The following CEP126 variants were observed in gnomAD, a reference collection of about 807,000 sequenced individuals.
The protein encoded by CEP126 is centrosomal protein 126, also known as centrosomal protein of 126 kDa.
Under a neutral mutation model 107.8 loss-of-function variants are expected in CEP126, and 74 were observed. That is an observed-to-expected ratio of 0.69 (90% CI 0.57 to 0.83). The LOEUF is 0.83. Among genes scored for constraint, CEP126 ranks in the 40% least tolerant of loss-of-function variants. The probability of loss-of-function intolerance (pLI) is 0.00; values close to 1 mark genes in which losing one functional copy is unlikely to be tolerated. For missense variants in CEP126, 1,237 were observed against 1,281.9 expected (o/e 0.96, Z 0.53); for synonymous variants, 449 against 446.0 (o/e 1.01, Z -0.08).
chr11:101,968,509 C>A (rs1296276821), intron 6 of CEP126, among the ~76,000 whole-genome samples: 1 of 152,018 alleles, frequency 6.6e-6, no homozygotes, highest in East Asian at 1.9e-4. Context: ...GAAGAGTGAG[C>A]TTTGTGAAGA....
Position 101,963,618 on chromosome 11 carries a change from C to T in CEP126, c.2583C>T (p.Leu861=), listed in dbSNP as rs763749705. ...NQWNQESSSP[L]SNACSDLVTV... is the part of the protein sequence containing the mutation. ...GGAATCAGGAAAGTAGTTCTCCACT[C>T]TCAAATGCTTGTTCTGACCTAGTCA... is the stretch of plus-strand genomic sequence containing the variant. Residue 861 remains leucine, a synonymous_variant, in exon 6 of 11, where the codon CTC becomes CTT. Coordinates refer to ENST00000263468, the MANE Select transcript of CEP126 (RefSeq NM_020802.4). The T allele has an allele frequency of 6.2e-7, 1 of 1,614,100 alleles. No individual in the cohort carries two copies. The highest frequency in any genetic ancestry group is 1.1e-5 in the South Asian group (1 of 91,062).
At chr11:101,992,716 T>A (rs971837506) in intron 9 of CEP126, 62 bp from the exon 10 acceptor site, 20 of 914,058 alleles carry the variant, frequency 2.2e-5, no homozygotes, top group Non-Finnish European at 3.1e-5. Flanking sequence ...GATTCTTTAG[T>A]CATTCTTCTA....
Position 101,962,861 on chromosome 11 carries a change from T to C in CEP126, c.1826T>C (p.Ile609Thr). 1 of 1,607,890 alleles carries C rather than the reference T, an allele frequency of 6.2e-7. No individual in the cohort carries two copies. The highest frequency in any genetic ancestry group is 8.5e-7 in the Non-Finnish European group (1 of 1,178,616). ...TTTGGAAATCAAAAAGCAGCAGCTA[T>C]CAGAGATAGTATTGAATTAACAAAG... is the stretch of plus-strand genomic sequence containing the variant. ...FKFGNQKAAA[I>T]RDSIELTKEK... The change falls in exon 6 of 11, where the codon ATC becomes ACC. Residue 609 changes from isoleucine (I) to threonine (T), a missense_variant. Physicochemically the swap from Ile to Thr is moderately conservative, Grantham distance 89. This residue lies in a region of CEP126 where 1,134 missense variants were observed against 1,150.5 expected (regional missense o/e 0.99). Coordinates refer to ENST00000263468, the MANE Select transcript of CEP126 (RefSeq NM_020802.4).
intron 6 of CEP126, among the ~76,000 whole-genome samples, chr11:101,964,340 T>C (rs557288565): frequency 1.4e-5 from 2 of 142,916 alleles, no homozygotes; most frequent in African/African-American, 2.6e-5. Context: ...TCCTGTAATA[T>C]TGTGATTTTT....
At chr11:101,981,582 C>T (rs1356982818) in intron 7 of CEP126, among the ~76,000 whole-genome samples, 2 of 152,128 alleles carry the variant, frequency 1.3e-5, no homozygotes, top group African/African-American at 2.4e-5. Context: ...CATGAGCCAC[C>T]GTGTCAGCCT....
At chr11:101,922,164 ATT>A (rs5794147) in intron 1 of CEP126, among the ~76,000 whole-genome samples, 9 of 132,028 alleles carry the variant, frequency 6.8e-5, no homozygotes, top group Middle Eastern at 4.1e-3. Context: ...CCAAGTCAGA[ATT>A]TTTTTTTTTT....
chr11:101,959,400 G>A (rs567203694), intron 5 of CEP126, among the ~76,000 whole-genome samples: 13 of 152,114 alleles, frequency 8.5e-5, no homozygotes, highest in South Asian at 4.2e-4. Flanking sequence ...TGATCCGCCC[G>A]CCTCAGCCTC....
At chr11:101,917,027 AATGTGTGT>A (rs1174613439) in intron 1 of CEP126, among the ~76,000 whole-genome samples, 34 of 90,230 alleles carry the variant, frequency 3.8e-4, no homozygotes, top group African/African-American at 1.3e-3. Context: ...AAAATCCAAC[AATGTGTGT>A]GTGTGTGTGT....
In CEP126 at chr11:101,963,171, C is replaced by G; in HGVS notation, c.2136C>G (p.Asn712Lys). Residue 712 changes from asparagine (N) to lysine (K), a missense_variant, in exon 6 of 11, where the codon AAC becomes AAG. Transcript: ENST00000263468. The stretch of plus-strand genomic sequence containing the variant: ...CTGGAGCAGACCATATGCCTTTGAA[C>G]TGTTTTATACCTTCAGGTTATAACT... The part of the protein sequence containing the change: ...GGSGADHMPL[N>K]CFIPSGYNFA... 6.2e-7 allele frequency: 1 copy of G among 1,613,938 alleles called. No homozygotes were observed. The highest frequency in any genetic ancestry group is 8.5e-7 in the Non-Finnish European group (1 of 1,179,940).
In CEP126 at chr11:101,968,838, T is replaced by C. The variant is rs546159491; in HGVS notation, c.2845+4958T>C. The stretch of plus-strand genomic sequence containing the variant: ...CTTAGTGTTGTCTGTTACTAATGAA[T>C]ATCAATATATTTTACCCTAGAAATA... On this transcript the variant is annotated intron_variant, in intron 6 of 10. Transcript: ENST00000263468. Among the ~76,000 whole-genome samples, 15 of 152,272 alleles carry C rather than the reference T, an allele frequency of 9.9e-5. No homozygotes were observed. In the South Asian group the frequency reaches 3.1e-3, roughly 32 times the overall value.
chr11:101,986,924 C>T lies in CEP126; in HGVS notation c.3127C>T (p.Gln1043Ter). 2 of 1,613,710 alleles carry T rather than the reference C, an allele frequency of 1.2e-6. No homozygotes were observed. Among genetic ancestry groups the T allele is most frequent in the Non-Finnish European group, 8.5e-7 (1 of 1,179,772 alleles). The part of the protein sequence containing the change: ...DEILTVLNSK[Q>*]IQKSNLPLNK... ...GATTCTGACTGTCTTGAATAGCAAA[C>T]AGATACAGAAATCAAATCTACCTTT... The change falls in exon 9 of 11, where the codon CAG becomes TAG. Residue 1043 changes from glutamine to a stop codon, truncating the protein, a stop_gained. Transcript: ENST00000263468. LOFTEE classifies it high-confidence loss of function.
At chr11:101,994,412 C>G (rs949577441) in intron 10 of CEP126, among the ~76,000 whole-genome samples, 1 of 152,122 alleles carries the variant, frequency 6.6e-6, no homozygotes, top group African/African-American at 2.4e-5. Flanking sequence ...GTTGCAATTG[C>G]TTTTGATGTC....
chr11:101,959,808 T>C (rs768529200), intron 5 of CEP126, among the ~76,000 whole-genome samples: 5 of 152,124 alleles, frequency 3.3e-5, no homozygotes, highest in African/African-American at 7.2e-5. Context: ...AAAAGATTAG[T>C]GGACTTGAAA....
intron 6 of CEP126, among the ~76,000 whole-genome samples, chr11:101,969,808 T>C (rs956595829): frequency 8.5e-5 from 13 of 152,194 alleles, no homozygotes; most frequent in Non-Finnish European, 1.3e-4. Context: ...ATTTAAACAC[T>C]TGATTTTTGG....
intron 3 of CEP126, among the ~76,000 whole-genome samples, chr11:101,945,921 C>A (rs1342117109): frequency 6.6e-6 from 1 of 152,014 alleles, no homozygotes; most frequent in Non-Finnish European, 1.5e-5. Flanking sequence ...AGGGAAAATG[C>A]ATATTAGGTG....
intron 2 of CEP126, among the ~76,000 whole-genome samples, chr11:101,935,321 T>C (rs1280004073): frequency 6.6e-6 from 1 of 152,068 alleles, no homozygotes; most frequent in Non-Finnish European, 1.5e-5. Context: ...TTCATTTATT[T>C]AATGAAATCT....
chr11:101,950,764 G>A (rs1940801610), intron 4 of CEP126, among the ~76,000 whole-genome samples: 2 of 152,214 alleles, frequency 1.3e-5, no homozygotes, highest in African/African-American at 4.8e-5. Flanking sequence ...ACTACAGGAT[G>A]TGTTGCTGAT....
chr11:101,943,438 C>T (rs1046323965), intron 2 of CEP126, among the ~76,000 whole-genome samples: 2 of 151,898 alleles, frequency 1.3e-5, no homozygotes, highest in African/African-American at 4.8e-5. Context: ...CATCTCCTAA[C>T]CCCATGCATT....
At chr11:101,995,388 A>G (rs1278409766) in intron 10 of CEP126, among the ~76,000 whole-genome samples, 2 of 152,206 alleles carry the variant, frequency 1.3e-5, no homozygotes, top group African/African-American at 4.8e-5. Flanking sequence ...TTGGAATCAC[A>G]TGGAGAGCTT....
Sources: gnomAD v4.1 joint callset for allele counts (sites outside exome capture counted in the v4.1 genomes callset) on GRCh38, gnomAD v4.1.1 for gene constraint, gnomAD v4.1.1 regional missense constraint, MANE v1.5 for transcripts, NCBI Gene and HGNC (gene_info 2026-07-23, HGNC 2026-07-21) for gene names.